The following UBE2Z variants were observed in gnomAD, a reference collection of about 807,000 sequenced individuals.
UBE2Z encodes the protein ubiquitin conjugating enzyme E2 Z, also known as ubiquitin-conjugating enzyme E2 Z.
A neutral mutation model predicts 32.6 loss-of-function variants in UBE2Z; 10 were observed. The observed-to-expected ratio is 0.31, with a 90% CI of 0.19 to 0.52. The LOEUF is 0.52. Among genes scored for constraint, UBE2Z ranks in the 20% least tolerant of loss-of-function variants. The probability of loss-of-function intolerance (pLI) is 0.97; values close to 1 mark genes in which losing one functional copy is unlikely to be tolerated. For synonymous variants in UBE2Z, 183 were observed against 190.8 expected, an observed-to-expected ratio of 0.96 and a Z score of 0.34; for missense variants, 343 against 480.9, an observed-to-expected ratio of 0.71 and a Z score of 2.68.
At chr17:48,910,640 C>G in intron 1 of UBE2Z, 168 bp from the exon 2 acceptor site, 1 of 574,556 alleles carries the variant, frequency 1.7e-6, no homozygotes, top group Non-Finnish European at 3.2e-6. Flanking sequence ...CTGACAAGTA[C>G]TCAGCTGAGA....
At chr17:48,909,181 A>G (rs1409530829) in intron 1 of UBE2Z, among the ~76,000 whole-genome samples, 6 of 107,078 alleles carry the variant, frequency 5.6e-5, no homozygotes, top group African/African-American at 1.1e-4. Flanking sequence ...CGCCGCCCCT[A>G]TTTCCCCTTC....
At chr17:48,923,146 C>G in intron 6 of UBE2Z, 3 of 386,756 alleles carry the variant, frequency 7.8e-6, no homozygotes, top group South Asian at 6.7e-5. Flanking sequence ...ACGGTGAAAC[C>G]CCGTCTCTAC....
chr17:48,910,954 T>G (rs976072210), intron 2 of UBE2Z, 74 bp downstream of exon 2: 2 of 1,195,814 alleles, frequency 1.7e-6, no homozygotes, highest in African/African-American at 1.5e-5. Context: ...CTAAAAGAGA[T>G]TATTCAGCTC....
chr17:48,922,345 C>T (rs542485664), intron 5 of UBE2Z, among the ~76,000 whole-genome samples: 7 of 152,028 alleles, frequency 4.6e-5, no homozygotes, highest in Admixed American at 2.0e-4. Flanking sequence ...CGAGATTGCG[C>T]CACTGTATTC....
chr17:48,918,746 C>T (rs200994668), intron 4 of UBE2Z, among the ~76,000 whole-genome samples: 5 of 127,476 alleles, frequency 3.9e-5, no homozygotes, highest in Non-Finnish European at 4.9e-5. Context: ...TAGGTCTTGT[C>T]TTTTTTTTTT....
chr17:48,908,429 T>TGCGGGAGCGGGCGGGAGCA lies in UBE2Z; in HGVS notation c.-70_-52dup. ...GACACTCTGGCCCGGTTCTCGGTGG[T>TGCGGGAGCGGGCGGGAGCA]GCGGGAGCGGGCGGGAGCAGCGGCC... On this transcript the variant is annotated 5_prime_UTR_variant, in exon 1 of 7. Transcript: ENST00000360943. 1.7e-6 allele frequency: 2 copies of TGCGGGAGCGGGCGGGAGCA among 1,184,270 alleles called. No homozygotes were observed. Among genetic ancestry groups the TGCGGGAGCGGGCGGGAGCA allele is most frequent in the Non-Finnish European group, 2.1e-6 (2 of 948,392 alleles). The allele number at this position is 1,184,270 out of a possible 1,614,324, so 73.4% of individuals were successfully genotyped here. A position where few individuals can be genotyped will look rare whatever the true frequency, so the allele number is the denominator to read the frequency against.
chr17:48,923,257 G>C (rs992341976), intron 6 of UBE2Z, among the ~76,000 whole-genome samples: 5 of 143,758 alleles, frequency 3.5e-5, no homozygotes, highest in African/African-American at 1.3e-4. Context: ...GGAGGCAGAA[G>C]TTGCAGTGAG....
At position 48,927,214 on chromosome 17, in the gene UBE2Z, T is replaced by G. The variant is rs559871901; in HGVS notation, c.*80T>G. ...CCCCACCCCAGGGATGGAGAGGCAC[T>G]GTGTATCTCCCTCCAGACTCGAAGT... On this transcript the variant is annotated 3_prime_UTR_variant, in exon 7 of 7. Transcript: ENST00000360943. The G allele has an allele frequency of 1.4e-6, 2 of 1,415,392 alleles. No individual in the cohort carries two copies. The highest frequency in any genetic ancestry group is 1.4e-5 in the African/African-American group (1 of 70,726). The allele number at this position is 1,415,392 out of a possible 1,614,324, so 87.7% of individuals were successfully genotyped here. A position where few individuals can be genotyped will look rare whatever the true frequency, so the allele number is the denominator to read the frequency against.
chr17:48,919,704 C>G (rs1376654053), intron 4 of UBE2Z, among the ~76,000 whole-genome samples: 1 of 152,066 alleles, frequency 6.6e-6, no homozygotes, highest in Non-Finnish European at 1.5e-5. Flanking sequence ...TCCTGAACTC[C>G]TGAACTCAAG....
At chr17:48,913,496 A>G (rs1355486475) in intron 3 of UBE2Z, among the ~76,000 whole-genome samples, 1 of 152,200 alleles carries the variant, frequency 6.6e-6, no homozygotes, top group Non-Finnish European at 1.5e-5. Context: ...CTGGGGCTAC[A>G]GGCGTGCACC....
chr17:48,910,924 G>A, intron 2 of UBE2Z, 44 bp downstream of exon 2: 1 of 1,496,872 alleles, frequency 6.7e-7, no homozygotes, highest in Non-Finnish European at 9.3e-7. Flanking sequence ...GGAAATTGGG[G>A]GCCATAAGGT....
At chr17:48,916,995 C>T (rs919741493) in intron 4 of UBE2Z, among the ~76,000 whole-genome samples, 4 of 149,922 alleles carry the variant, frequency 2.7e-5, no homozygotes, top group African/African-American at 7.4e-5. Flanking sequence ...GAGCGAAACT[C>T]GGTCCCCCCA....
chr17:48,924,970 G>C (rs533266031), intron 6 of UBE2Z, among the ~76,000 whole-genome samples: 13 of 151,804 alleles, frequency 8.6e-5, no homozygotes, highest in Non-Finnish European at 1.2e-4. Flanking sequence ...CATCTTACTG[G>C]TGGTCTTGCT....
At chr17:48,909,546 C>A (rs2040660249) in intron 1 of UBE2Z, among the ~76,000 whole-genome samples, 1 of 109,786 alleles carries the variant, frequency 9.1e-6, no homozygotes, top group Non-Finnish European at 1.8e-5. Context: ...TTCCCTCCCC[C>A]CACCCCCCAC....
In UBE2Z at chr17:48,916,092, G is replaced by A. The variant is rs1272601624; in HGVS notation, c.595G>A (p.Ala199Thr). Reference sequence around the variant, plus strand: ...TGTTTACAGTACATGGACTGGACCTGCCTGGAGCCCAGCCCAGAGCATCTC... The same window carrying A: ...TGTTTACAGTACATGGACTGGACCTACCTGGAGCCCAGCCCAGAGCATCTC... ...LSILGTWTGP[A>T]WSPAQSISSV... Residue 199 changes from alanine (A) to threonine (T), a missense_variant, in exon 4 of 7, where the codon GCC becomes ACC. Coordinates refer to ENST00000360943, the MANE Select transcript of UBE2Z (RefSeq NM_023079.5). 1.3e-6 allele frequency: 2 copies of A among 1,589,402 alleles called. No homozygotes were observed. Among genetic ancestry groups the A allele is most frequent in the South Asian group, 2.3e-5 (2 of 86,508 alleles).
chr17:48,925,281 CAAA>C (rs200181647), intron 6 of UBE2Z, among the ~76,000 whole-genome samples: 21 of 108,256 alleles, frequency 1.9e-4, no homozygotes, highest in East Asian at 2.4e-4. Context: ...GACTCCACCT[CAAA>C]AAAAAAAAAA....
At chr17:48,912,538 A>G in intron 2 of UBE2Z, 1 of 319,708 alleles carries the variant, frequency 3.1e-6, no homozygotes, top group South Asian at 6.7e-5. Flanking sequence ...GCTTTAAGAG[A>G]GTTTTAGGGG....
rs1278955021 is a variant in UBE2Z, at chr17:48,912,822, T to C, written c.391-12T>C. 1 of 1,612,816 alleles carries C rather than the reference T, an allele frequency of 6.2e-7. No homozygotes were observed. The highest frequency in any genetic ancestry group is 8.5e-7 in the Non-Finnish European group (1 of 1,179,110). On this transcript the variant is annotated splice_polypyrimidine_tract_variant and intron_variant, in intron 2 of 6. Transcript: ENST00000360943. The stretch of plus-strand genomic sequence containing the variant: ...TCACCTCACAATTTTGAGATGGGGT[T>C]TTATTTTGCAGATTCATGCATTGAT...
chr17:48,910,964 C>G, intron 2 of UBE2Z, 84 bp downstream of exon 2: 2 of 1,089,670 alleles, frequency 1.8e-6, no homozygotes, highest in East Asian at 4.7e-5. Flanking sequence ...TTATTCAGCT[C>G]ACCTCTCCGA....
Sources: gnomAD v4.1 joint callset for allele counts (sites outside exome capture counted in the v4.1 genomes callset) on GRCh38, gnomAD v4.1.1 for gene constraint, MANE v1.5 for transcripts, NCBI Gene and HGNC (gene_info 2026-07-23, HGNC 2026-07-21) for gene names.